Variants in CNTNAP2 observed in about 807,000 individuals in gnomAD.
CNTNAP2 encodes the protein contactin-associated protein-like 2.
Under a neutral mutation model 155.2 loss-of-function variants are expected in CNTNAP2, and 98 were observed. The ratio of observed to expected loss-of-function variants is 0.63; its 90% CI spans 0.54 to 0.75. CNTNAP2 has a LOEUF of 0.75. Ranked by LOEUF, CNTNAP2 falls within the 30% of genes least tolerant of loss-of-function variation. The pLI is 0.00. For synonymous variants in CNTNAP2, 651 were observed against 631.2 expected, an observed-to-expected ratio of 1.03 and a Z score of -0.47; for missense variants, 1,727 against 1,688.1, an observed-to-expected ratio of 1.02 and a Z score of -0.40.
intron 1 of CNTNAP2, among the ~76,000 whole-genome samples, chr7:146,218,304 T>C (rs1000386471): frequency 6.6e-6 from 1 of 152,110 alleles, no homozygotes; most frequent in Non-Finnish European, 1.5e-5. Flanking sequence ...GGTCAGGAGA[T>C]GGAGACCATC....
At chr7:146,769,346 C>T (rs893211485) in intron 1 of CNTNAP2, among the ~76,000 whole-genome samples, 4 of 152,134 alleles carry the variant, frequency 2.6e-5, no homozygotes, top group African/African-American at 9.7e-5. Flanking sequence ...TGACTGATTT[C>T]CTAGTATTTA....
intron 21 of CNTNAP2, among the ~76,000 whole-genome samples, chr7:148,267,713 G>A (rs1400244291): frequency 6.6e-6 from 1 of 151,800 alleles, no homozygotes; most frequent in Non-Finnish European, 1.5e-5. Context: ...TGGTAATGGG[G>A]GCTTCTAAGT....
At chr7:146,612,322 G>A (rs1799152564) in intron 1 of CNTNAP2, among the ~76,000 whole-genome samples, 1 of 152,096 alleles carries the variant, frequency 6.6e-6, no homozygotes, top group African/African-American at 2.4e-5. Flanking sequence ...CTAGTTTACA[G>A]GTGAGAATGA....
intron 3 of CNTNAP2, among the ~76,000 whole-genome samples, chr7:146,933,380 G>T (rs1488779169): frequency 6.6e-6 from 1 of 151,092 alleles, no homozygotes; most frequent in East Asian, 1.9e-4. Flanking sequence ...AAACTGGCTA[G>T]CCATACGTAG....
At chr7:147,420,067 G>C (rs1405991907) in intron 10 of CNTNAP2, among the ~76,000 whole-genome samples, 1 of 152,088 alleles carries the variant, frequency 6.6e-6, no homozygotes, top group Non-Finnish European at 1.5e-5. Context: ...TAACTATTGG[G>C]ACAAGGTACA....
At chr7:146,388,182 G>A (rs548210478) in intron 1 of CNTNAP2, among the ~76,000 whole-genome samples, 19 of 150,930 alleles carry the variant, frequency 1.3e-4, no homozygotes, top group East Asian at 2.0e-4. Context: ...GGTAATCCTC[G>A]CACTTTGAGA....
chr7:146,719,574 GT>G (rs1015254193), intron 1 of CNTNAP2, among the ~76,000 whole-genome samples: 2 of 152,132 alleles, frequency 1.3e-5, no homozygotes, highest in African/African-American at 4.8e-5. Context: ...GAACATTGGA[GT>G]TTTTTCCATA....
intron 13 of CNTNAP2, among the ~76,000 whole-genome samples, chr7:147,713,418 G>A (rs945579088): frequency 1.3e-5 from 2 of 152,050 alleles, no homozygotes; most frequent in Non-Finnish European, 2.9e-5. Context: ...AGGCCTGTGT[G>A]TCTAGATCCT....
At chr7:148,058,075 TAAG>T (rs1803057217) in intron 15 of CNTNAP2, among the ~76,000 whole-genome samples, 1 of 151,944 alleles carries the variant, frequency 6.6e-6, no homozygotes, top group South Asian at 2.1e-4. Flanking sequence ...ATAATCCTGC[TAAG>T]AAGTACTTAA....
intron 3 of CNTNAP2, among the ~76,000 whole-genome samples, chr7:147,008,610 G>A (rs569129614): frequency 5.3e-4 from 81 of 152,170 alleles, no homozygotes; most frequent in African/African-American, 1.7e-3. Flanking sequence ...ACGTAAGTAC[G>A]CCGTCATAAG....
At chr7:148,147,446 C>G in intron 16 of CNTNAP2, 45 bp from the exon 17 acceptor site, 1 of 1,571,550 alleles carries the variant, frequency 6.4e-7, no homozygotes, top group Middle Eastern at 1.7e-4. Context: ...TATTTGGTAT[C>G]TGGGAGAAAA....
chr7:148,289,509 TTTTTTTCATTCC>T lies in CNTNAP2; in HGVS notation c.3475+22389_3475+22400del, dbSNP rs1253063671. Among the ~76,000 whole-genome samples the T allele has an allele frequency of 2.8e-3, 315 of 111,704 alleles. 2 individuals carry two copies. The highest frequency in any genetic ancestry group is 0.012 in the African/African-American group (291 of 24,588). 73.3% of individuals were successfully genotyped at this position (111,704 alleles called of 152,430 possible). A position where few individuals can be genotyped will look rare whatever the true frequency, so the allele number is the denominator to read the frequency against. ...GACCAATAAACACCAACTTACTTGG[TTTTTTTCATTCC>T]TTTTTCCCTGTGTCCAAGAAGCAAA... On this transcript the variant is annotated intron_variant, in intron 21 of 23. Coordinates refer to ENST00000361727, the MANE Select transcript of CNTNAP2 (RefSeq NM_014141.6).
chr7:147,033,176 A>ATATATG (rs1563051523), intron 3 of CNTNAP2, among the ~76,000 whole-genome samples: 1 of 49,522 alleles, frequency 2.0e-5, no homozygotes, highest in African/African-American at 7.3e-5. Flanking sequence ...ATATATATAT[A>ATATATG]TATATATATA....
intron 1 of CNTNAP2, among the ~76,000 whole-genome samples, chr7:146,225,031 G>C (rs534410460): frequency 2.0e-5 from 3 of 152,252 alleles, no homozygotes; most frequent in African/African-American, 7.2e-5. Context: ...CATTTAGGGA[G>C]AAAAAGTTTG....
chr7:147,753,928 A>G (rs1797176579), intron 13 of CNTNAP2, among the ~76,000 whole-genome samples: 1 of 152,198 alleles, frequency 6.6e-6, no homozygotes, highest in Non-Finnish European at 1.5e-5. Context: ...AGAATAGGAA[A>G]CATAACATCA....
At chr7:148,066,687 A>G (rs1423139481) in intron 15 of CNTNAP2, among the ~76,000 whole-genome samples, 1 of 151,848 alleles carries the variant, frequency 6.6e-6, no homozygotes, top group Non-Finnish European at 1.5e-5. Context: ...TTTAGTAGAG[A>G]TGGGGTTTCA....
chr7:147,637,224 G>T (rs1231116222), intron 12 of CNTNAP2, among the ~76,000 whole-genome samples: 23 of 152,120 alleles, frequency 1.5e-4, no homozygotes, highest in Non-Finnish European at 1.5e-5. Context: ...CCCGTGTTGA[G>T]TGTAGATGTG....
intron 1 of CNTNAP2, among the ~76,000 whole-genome samples, chr7:146,188,518 G>A (rs909689903): frequency 1.6e-4 from 24 of 152,112 alleles, no homozygotes; most frequent in African/African-American, 5.8e-4. Context: ...ACTTTATCGA[G>A]TTTCCTTCTG....
At chr7:148,317,632 A>C (rs1394684584) in intron 21 of CNTNAP2, among the ~76,000 whole-genome samples, 1 of 152,136 alleles carries the variant, frequency 6.6e-6, no homozygotes, top group Non-Finnish European at 1.5e-5. Context: ...CCCACGTGGG[A>C]TTCACACCTC....
Sources: gnomAD v4.1 joint callset for allele counts (sites outside exome capture counted in the v4.1 genomes callset) on GRCh38, gnomAD v4.1.1 for gene constraint, MANE v1.5 for transcripts, NCBI Gene and HGNC (gene_info 2026-07-23, HGNC 2026-07-21) for gene names.